GRM5: variants seen among roughly 807,000 people sequenced by gnomAD.
The protein encoded by GRM5 is metabotropic glutamate receptor 5.
Under a neutral mutation model 83.1 loss-of-function variants are expected in GRM5, and 19 were observed. The ratio of observed to expected loss-of-function variants is 0.23; its 90% CI spans 0.16 to 0.34. The LOEUF is 0.34. GRM5 is among the 10% of genes least tolerant of loss of function. The pLI is 1.00. For synonymous variants in GRM5, 675 were observed against 633.6 expected (o/e 1.07, Z -0.98); for missense variants, 1,160 against 1,588.3 (o/e 0.73, Z 4.58).
chr11:88,739,164 G>A (rs542805010), intron 3 of GRM5, among the ~76,000 whole-genome samples: 4 of 152,002 alleles, frequency 2.6e-5, no homozygotes, highest in South Asian at 2.1e-4. Flanking sequence ...TGTAACCTTC[G>A]TAGAGCTAGA....
intron 2 of GRM5, among the ~76,000 whole-genome samples, chr11:88,909,266 T>A (rs1448274876): frequency 1.3e-5 from 2 of 152,054 alleles, no homozygotes; most frequent in African/African-American, 2.4e-5. Context: ...TTAACAGCAA[T>A]CTAAAACTTA....
At chr11:88,998,024 A>T (rs1406116781) in intron 2 of GRM5, among the ~76,000 whole-genome samples, 1 of 151,812 alleles carries the variant, frequency 6.6e-6, no homozygotes, top group African/African-American at 2.4e-5. Context: ...AACAAAAAAA[A>T]ATGAGAGGGG....
At chr11:89,000,526 A>C (rs1591036709) in intron 2 of GRM5, among the ~76,000 whole-genome samples, 1 of 152,148 alleles carries the variant, frequency 6.6e-6, no homozygotes, top group East Asian at 1.9e-4. Context: ...AAAGAAACGA[A>C]TCTCAATCTA....
At chr11:88,520,813 T>A (rs1941659581) in intron 9 of GRM5, among the ~76,000 whole-genome samples, 2 of 152,180 alleles carry the variant, frequency 1.3e-5, no homozygotes, top group South Asian at 4.1e-4. Context: ...ACATGACTCT[T>A]ACCAAATTCT....
chr11:88,630,574 A>ACACACAC (rs57754831), intron 4 of GRM5, among the ~76,000 whole-genome samples: 3 of 15,938 alleles, frequency 1.9e-4, no homozygotes, highest in South Asian at 2.5e-3. Flanking sequence ...CACACACACA[A>ACACACAC]ACACACACAC....
chr11:88,844,728 A>G (rs560061591), intron 3 of GRM5, among the ~76,000 whole-genome samples: 1 of 152,308 alleles, frequency 6.6e-6, no homozygotes, highest in African/African-American at 2.4e-5. Flanking sequence ...AATATCAGCA[A>G]CAGGAGTTTG....
intron 2 of GRM5, among the ~76,000 whole-genome samples, chr11:89,003,955 TC>T (rs1164567054): frequency 5.9e-5 from 9 of 152,142 alleles, no homozygotes; most frequent in African/African-American, 2.2e-4. Flanking sequence ...AATAAGTGAT[TC>T]TAAAGCTGAA....
intron 2 of GRM5, among the ~76,000 whole-genome samples, chr11:88,991,320 T>C (rs1939960382): frequency 6.6e-6 from 1 of 151,944 alleles, no homozygotes; most frequent in Non-Finnish European, 1.5e-5. Context: ...GTGAAGGACC[T>C]CTTCAAGGAG....
intron 9 of GRM5, among the ~76,000 whole-genome samples, chr11:88,513,687 A>G (rs558127485): frequency 4.6e-5 from 7 of 152,268 alleles, no homozygotes; most frequent in South Asian, 2.1e-4. Context: ...GATCTGACTC[A>G]GAATGATGTT....
chr11:88,517,422 CA>C (rs1463774880), intron 9 of GRM5, among the ~76,000 whole-genome samples: 2 of 151,736 alleles, frequency 1.3e-5, no homozygotes, highest in South Asian at 4.2e-4. Context: ...GACACAGTGG[CA>C]AAAAAAGTTT....
chr11:89,008,556 A>G (rs1397821134), intron 2 of GRM5, among the ~76,000 whole-genome samples: 4 of 152,136 alleles, frequency 2.6e-5, no homozygotes, highest in Admixed American at 1.3e-4. Context: ...ATGATAAGTG[A>G]TGGTTCACTA....
At chr11:88,883,187 T>A (rs1331113104) in intron 2 of GRM5, among the ~76,000 whole-genome samples, 1 of 152,162 alleles carries the variant, frequency 6.6e-6, no homozygotes, top group Non-Finnish European at 1.5e-5. Flanking sequence ...GGAAGCAACT[T>A]TGGAAGTGAC....
At chr11:89,027,857 G>A (rs1941164425) in intron 2 of GRM5, among the ~76,000 whole-genome samples, 1 of 152,176 alleles carries the variant, frequency 6.6e-6, no homozygotes, top group Non-Finnish European at 1.5e-5. Flanking sequence ...AACACATGTT[G>A]AAATTTGCCC....
intron 2 of GRM5, among the ~76,000 whole-genome samples, chr11:88,994,653 T>C (rs1226452171): frequency 6.7e-6 from 1 of 149,572 alleles, no homozygotes; most frequent in Admixed American, 6.6e-5. Context: ...TTGGTGTTCC[T>C]GGGATGATTT....
chr11:88,652,405 G>A (rs1332168202), intron 4 of GRM5, among the ~76,000 whole-genome samples: 2 of 151,972 alleles, frequency 1.3e-5, no homozygotes, highest in Admixed American at 1.3e-4. Flanking sequence ...TTAGAATCAA[G>A]ATTCTTTTTG....
At chr11:89,008,341 G>T (rs1940588686) in intron 2 of GRM5, among the ~76,000 whole-genome samples, 1 of 152,062 alleles carries the variant, frequency 6.6e-6, no homozygotes, top group Admixed American at 6.5e-5. Flanking sequence ...ATTTAAGTAT[G>T]CTCAGATCTC....
rs527798411 is a variant in GRM5, at chr11:89,055,098, C to T, written c.-200-7026G>A. 2.6e-5 allele frequency among the ~76,000 whole-genome samples: 4 copies of T among 152,296 alleles called. No individual in the cohort carries two copies. In the South Asian group the frequency reaches 8.3e-4, roughly 32 times the overall value. On this transcript the variant is annotated intron_variant, in intron 1 of 9. Coordinates refer to ENST00000305447, the MANE Select transcript of GRM5 (RefSeq NM_001143831.3). ...AGTTAGGCTCTTGTCCAAGTATACACTGTTTTATTCCAATGGCTTTGCACA... is the reference window on the plus strand; with the variant it reads ...AGTTAGGCTCTTGTCCAAGTATACATTGTTTTATTCCAATGGCTTTGCACA...
At chr11:88,711,503 T>G (rs1233693267) in intron 3 of GRM5, among the ~76,000 whole-genome samples, 1 of 152,120 alleles carries the variant, frequency 6.6e-6, no homozygotes, top group Non-Finnish European at 1.5e-5. Flanking sequence ...ATCCTTTGCC[T>G]TCTAGCACCC....
intron 5 of GRM5, among the ~76,000 whole-genome samples, chr11:88,600,378 TTCTGAA>T (rs1334410397): frequency 6.8e-6 from 1 of 147,878 alleles, no homozygotes; most frequent in Non-Finnish European, 1.5e-5. Context: ...ATTTCTCTGC[TTCTGAA>T]ATGTTTTTCT....
Sources: allele counts gnomAD v4.1 joint callset (sites outside exome capture counted in the v4.1 genomes callset), GRCh38; gene constraint gnomAD v4.1.1; transcripts MANE v1.5; gene names NCBI Gene and HGNC (gene_info 2026-07-23, HGNC 2026-07-21).